PHF21B: variants seen among roughly 807,000 people sequenced by gnomAD.
PHF21B encodes PHD finger protein 4.
In PHF21B, 22 loss-of-function variants were observed where a neutral mutation model predicts 62.2. The observed-to-expected ratio is 0.35, with a 90% CI of 0.25 to 0.51. The LOEUF is 0.51. Among genes scored for constraint, PHF21B ranks in the 20% least tolerant of loss-of-function variants. The pLI is 0.97. For synonymous variants in PHF21B, 341 were observed against 314.7 expected, an observed-to-expected ratio of 1.08 and a Z score of -0.88; for missense variants, 701 against 707.9, an observed-to-expected ratio of 0.99 and a Z score of 0.11.
At chr22:44,885,391 G>A (rs776852914) in intron 12 of PHF21B, 35 bp downstream of exon 12, 3 of 1,534,912 alleles carry the variant, frequency 2.0e-6, no homozygotes, top group Non-Finnish European at 2.6e-6. Context: ...CACCTGCAGG[G>A]CTGAGGCCAG....
At chr22:45,006,989 G>A (rs865911747) in intron 2 of PHF21B, among the ~76,000 whole-genome samples, 1 of 152,044 alleles carries the variant, frequency 6.6e-6, no homozygotes, top group Non-Finnish European at 1.5e-5. Context: ...TGGTAATGCA[G>A]GGCCTGGGTC....
intron 2 of PHF21B, among the ~76,000 whole-genome samples, chr22:44,958,885 C>T (rs1390291920): frequency 2.0e-5 from 3 of 152,122 alleles, no homozygotes; most frequent in Non-Finnish European, 4.4e-5. Flanking sequence ...TGGTGATCTG[C>T]CCACCTTGGC....
chr22:44,985,683 T>C (rs2072932638), intron 2 of PHF21B, among the ~76,000 whole-genome samples: 1 of 152,176 alleles, frequency 6.6e-6, no homozygotes. Flanking sequence ...GAGATAATAT[T>C]TCCTCACAGG....
intron 2 of PHF21B, among the ~76,000 whole-genome samples, chr22:44,986,780 C>G (rs1329824570): frequency 6.6e-6 from 1 of 151,976 alleles, no homozygotes; most frequent in Non-Finnish European, 1.5e-5. Flanking sequence ...GTTCCTGGAG[C>G]TGGGGAGAGG....
In PHF21B at chr22:44,943,002, C is replaced by T. The variant is rs1277975095; in HGVS notation, c.121-22512G>A. Among the ~76,000 whole-genome samples the T allele has an allele frequency of 3.3e-5, 5 of 151,284 alleles. 1 individual carries two copies. The highest frequency in any genetic ancestry group is 3.3e-4 in the Admixed American group (5 of 15,196). On this transcript the variant is annotated intron_variant, in intron 2 of 12. Transcript: ENST00000313237. ...GACCCCCAGCAGGGAGGGACCCCCCCCCCCCCATCCTCAGAAGGGCTGACC... is the reference window on the plus strand; with the variant it reads ...GACCCCCAGCAGGGAGGGACCCCCCTCCCCCCATCCTCAGAAGGGCTGACC...
chr22:44,969,945 G>A (rs2072605588), intron 2 of PHF21B, among the ~76,000 whole-genome samples: 1 of 152,222 alleles, frequency 6.6e-6, no homozygotes, highest in African/African-American at 2.4e-5. Context: ...CATGCGCTCT[G>A]GACAACCTTC....
At chr22:44,901,249 T>C (rs1667916724) in intron 5 of PHF21B, among the ~76,000 whole-genome samples, 1 of 152,216 alleles carries the variant, frequency 6.6e-6, no homozygotes, top group Admixed American at 6.5e-5. Flanking sequence ...TGCCCTGAGC[T>C]GCTGGCAGCC....
At chr22:44,886,652 A>ACTCTACC (rs2070864013) in intron 10 of PHF21B, among the ~76,000 whole-genome samples, 1 of 151,358 alleles carries the variant, frequency 6.6e-6, no homozygotes, top group Admixed American at 6.6e-5. Context: ...ATGCTCCTGC[A>ACTCTACC]CTCTAGCCTG....
intron 11 of PHF21B, 75 bp downstream of exon 11, chr22:44,885,788 C>T: frequency 1.4e-6 from 2 of 1,439,010 alleles, no homozygotes; most frequent in Non-Finnish European, 1.9e-6. Context: ...TCCCACAGGA[C>T]CAGGTGAGCC....
At chr22:44,937,278 T>C (rs1034075669) in intron 2 of PHF21B, among the ~76,000 whole-genome samples, 7 of 152,132 alleles carry the variant, frequency 4.6e-5, no homozygotes, top group Admixed American at 2.6e-4. Flanking sequence ...GAGCAGTGAC[T>C]ACGAGAAAGC....
At chr22:44,996,301 G>A (rs1414688982) in intron 2 of PHF21B, among the ~76,000 whole-genome samples, 4 of 152,098 alleles carry the variant, frequency 2.6e-5, no homozygotes, top group African/African-American at 9.7e-5. Context: ...CTGAATCACA[G>A]AATCTCAGTG....
intron 12 of PHF21B, among the ~76,000 whole-genome samples, chr22:44,885,206 C>T (rs1292112543): frequency 6.6e-6 from 1 of 152,200 alleles, no homozygotes; most frequent in African/African-American, 2.4e-5. Flanking sequence ...TCTGCCTGTC[C>T]CCAGGCCCCG....
chr22:44,890,454 G>A (rs1022328069), intron 8 of PHF21B, among the ~76,000 whole-genome samples: 2 of 152,156 alleles, frequency 1.3e-5, no homozygotes, highest in Non-Finnish European at 2.9e-5. Context: ...CACAGCACTC[G>A]ACAGCTCACA....
Position 44,894,840 on chromosome 22 carries a change from C to T in PHF21B, c.883+1192G>A, listed in dbSNP as rs868190663. Among the ~76,000 whole-genome samples, 5 of 152,268 alleles carry T rather than the reference C, an allele frequency of 3.3e-5. No homozygotes were observed. The South Asian group carries it at 6.2e-4, about 19-fold the overall frequency. ...AGCCTGCATGGCAGGCTGCTGTCCC[C>T]GCGCGCTGGGCTCTGCTGAGCTCAG... is the stretch of plus-strand genomic sequence containing the variant. On this transcript the variant is annotated intron_variant, in intron 6 of 12. Transcript: ENST00000313237.
intron 2 of PHF21B, among the ~76,000 whole-genome samples, chr22:44,996,548 C>T (rs2073125546): frequency 2.0e-5 from 3 of 151,958 alleles, no homozygotes; most frequent in African/African-American, 7.2e-5. Flanking sequence ...ACACTCAGGC[C>T]AGGTGGTGAT....
chr22:44,972,800 G>A (rs1374680866), intron 2 of PHF21B, among the ~76,000 whole-genome samples: 1 of 152,184 alleles, frequency 6.6e-6, no homozygotes, highest in African/African-American at 2.4e-5. Context: ...GTGCAAAGGA[G>A]CTGTGTGTCC....
chr22:44,910,950 T>C (rs2071333733), intron 5 of PHF21B, among the ~76,000 whole-genome samples: 1 of 152,206 alleles, frequency 6.6e-6, no homozygotes, highest in Admixed American at 6.5e-5. Flanking sequence ...ACAAACATGC[T>C]GATAGTGAGA....
intron 2 of PHF21B, among the ~76,000 whole-genome samples, chr22:44,980,959 T>C (rs1022100882): frequency 6.6e-6 from 1 of 152,216 alleles, no homozygotes; most frequent in Non-Finnish European, 1.5e-5. Flanking sequence ...GCTAATCAAA[T>C]CAAACCATTC....
chr22:44,925,784 TCCC>T (rs2071617719), intron 2 of PHF21B, among the ~76,000 whole-genome samples: 3 of 152,142 alleles, frequency 2.0e-5, no homozygotes, highest in South Asian at 4.1e-4. Flanking sequence ...GGGATTGTCC[TCCC>T]CATTACCTCG....
Sources: gnomAD v4.1 joint callset for allele counts (sites outside exome capture counted in the v4.1 genomes callset) on GRCh38, gnomAD v4.1.1 for gene constraint, MANE v1.5 for transcripts, NCBI Gene and HGNC (gene_info 2026-07-23, HGNC 2026-07-21) for gene names.